The following GMDS variants were observed in gnomAD, a reference collection of about 807,000 sequenced individuals.
GMDS encodes GDP-mannose 4,6 dehydratase.
A neutral mutation model predicts 49.9 loss-of-function variants in GMDS; 20 were observed. The observed-to-expected ratio is 0.40, with a 90% confidence interval of 0.28 to 0.58. The LOEUF (loss-of-function observed/expected upper bound fraction) is 0.58. Ranked by LOEUF, GMDS falls within the 20% of genes least tolerant of loss-of-function variation. The probability of loss-of-function intolerance (pLI) is 0.42; values close to 1 mark genes in which losing one functional copy is unlikely to be tolerated. For synonymous variants in GMDS, 177 were observed against 178.6 expected (o/e 0.99, Z 0.07); for missense variants, 362 against 481.4 (o/e 0.75, Z 2.32).
intron 7 of GMDS, among the ~76,000 whole-genome samples, chr6:1,865,954 C>T (rs1304957832): frequency 6.6e-6 from 1 of 152,186 alleles, no homozygotes; most frequent in East Asian, 1.9e-4. Context: ...CAGAAAAACA[C>T]TACCCCAAAC....
At chr6:2,123,444 A>G (rs1240131733) in intron 2 of GMDS, among the ~76,000 whole-genome samples, 1 of 151,632 alleles carries the variant, frequency 6.6e-6, no homozygotes, top group African/African-American at 2.4e-5. Context: ...CTCGATACAC[A>G]ACAACATCAC....
At chr6:1,661,848 G>C (rs368117977) in intron 9 of GMDS, among the ~76,000 whole-genome samples, 3 of 152,200 alleles carry the variant, frequency 2.0e-5, no homozygotes, top group African/African-American at 7.2e-5. Flanking sequence ...GTGGACAGTC[G>C]GATGTCATTG....
intron 1 of GMDS, among the ~76,000 whole-genome samples, chr6:2,168,273 G>T (rs1002539253): frequency 6.6e-6 from 1 of 152,194 alleles, no homozygotes; most frequent in Admixed American, 6.5e-5. Flanking sequence ...AGGGAAGGGT[G>T]AGCGTGAAGC....
intron 1 of GMDS, among the ~76,000 whole-genome samples, chr6:2,155,874 T>C (rs1777088643): frequency 6.6e-6 from 1 of 152,160 alleles, no homozygotes; most frequent in Non-Finnish European, 1.5e-5. Context: ...ATTACGTAAA[T>C]GAAACCAGAT....
At chr6:1,720,818 G>A (rs1766358123) in intron 9 of GMDS, among the ~76,000 whole-genome samples, 1 of 152,180 alleles carries the variant, frequency 6.6e-6, no homozygotes, top group African/African-American at 2.4e-5. Flanking sequence ...AGGAGCAGGA[G>A]CGGGAGGGAT....
At chr6:1,878,128 A>G (rs910641846) in intron 7 of GMDS, among the ~76,000 whole-genome samples, 24 of 152,042 alleles carry the variant, frequency 1.6e-4, no homozygotes, top group Admixed American at 3.3e-4. Context: ...CCTGGCTAAC[A>G]TGGTGAAACC....
chr6:1,650,380 G>A (rs1342414925), intron 9 of GMDS, among the ~76,000 whole-genome samples: 1 of 152,024 alleles, frequency 6.6e-6, no homozygotes, highest in African/African-American at 2.4e-5. Context: ...TAGGTTCTCA[G>A]CCCTCCTGGT....
chr6:1,851,709 T>C (rs1406464664), intron 7 of GMDS, among the ~76,000 whole-genome samples: 1 of 152,144 alleles, frequency 6.6e-6, no homozygotes, highest in Non-Finnish European at 1.5e-5. Flanking sequence ...GAACACTATA[T>C]TTTTTAAAAA....
At chr6:2,223,739 A>G (rs1222172415) in intron 1 of GMDS, among the ~76,000 whole-genome samples, 1 of 152,128 alleles carries the variant, frequency 6.6e-6, no homozygotes, top group African/African-American at 2.4e-5. Context: ...CACAGAGATG[A>G]TAGAAGGGAG....
intron 7 of GMDS, among the ~76,000 whole-genome samples, chr6:1,762,032 T>C (rs1768178626): frequency 6.6e-6 from 1 of 152,186 alleles, no homozygotes; most frequent in Non-Finnish European, 1.5e-5. Context: ...CAATCTGATA[T>C]AAACCTGATT....
intron 9 of GMDS, among the ~76,000 whole-genome samples, chr6:1,650,117 G>A (rs1763607400): frequency 2.0e-5 from 3 of 152,180 alleles, no homozygotes; most frequent in African/African-American, 7.2e-5. Context: ...CCTCGGCCAC[G>A]CAGCTCTGAG....
At chr6:1,878,131 G>A (rs866613020) in intron 7 of GMDS, among the ~76,000 whole-genome samples, 1 of 151,900 alleles carries the variant, frequency 6.6e-6, no homozygotes, top group Non-Finnish European at 1.5e-5. Context: ...GGCTAACATG[G>A]TGAAACCCCG....
intron 4 of GMDS, among the ~76,000 whole-genome samples, chr6:2,001,590 C>T (rs1292370588): frequency 6.6e-6 from 1 of 151,984 alleles, no homozygotes; most frequent in Admixed American, 6.6e-5. Context: ...CCAGAATAAC[C>T]AGAAAAAGAA....
At chr6:2,135,608 C>T in intron 1 of GMDS, among the ~76,000 whole-genome samples, 1 of 151,812 alleles carries the variant, frequency 6.6e-6, no homozygotes. Flanking sequence ...TCATCATCAT[C>T]ATCATCATCA....
At chr6:1,642,394 C>G (rs528022081) in intron 9 of GMDS, among the ~76,000 whole-genome samples, 2 of 152,120 alleles carry the variant, frequency 1.3e-5, no homozygotes, top group African/African-American at 4.8e-5. Context: ...GTCTCAAACT[C>G]CTGACCTCAA....
At chr6:2,115,652 CA>C (rs1774804341) in intron 4 of GMDS, 118 bp downstream of exon 4, 2 of 669,996 alleles carry the variant, frequency 3.0e-6, no homozygotes, top group Middle Eastern at 5.6e-4. Flanking sequence ...CTAACACTGA[CA>C]ATTCAACTTG....
At chr6:1,926,870 C>T (rs1476294948) in intron 7 of GMDS, among the ~76,000 whole-genome samples, 2 of 152,228 alleles carry the variant, frequency 1.3e-5, no homozygotes, top group African/African-American at 4.8e-5. Context: ...CCTTAATACA[C>T]AAGACCCACT....
intron 4 of GMDS, among the ~76,000 whole-genome samples, chr6:2,095,419 T>C (rs1278895831): frequency 6.6e-6 from 1 of 152,234 alleles, no homozygotes; most frequent in East Asian, 1.9e-4. Context: ...AATCAATTCA[T>C]TTTGCTATTT....
intron 7 of GMDS, among the ~76,000 whole-genome samples, chr6:1,907,017 C>T (rs1326340944): frequency 6.6e-6 from 1 of 152,178 alleles, no homozygotes; most frequent in East Asian, 1.9e-4. Flanking sequence ...AACTCAGATG[C>T]ACTGCAAAAC....
Sources: gnomAD v4.1 joint callset for allele counts (sites outside exome capture counted in the v4.1 genomes callset) on GRCh38, gnomAD v4.1.1 for gene constraint, MANE v1.5 for transcripts, NCBI Gene and HGNC (gene_info 2026-07-23, HGNC 2026-07-21) for gene names.